RASAL2: variants seen among roughly 807,000 people sequenced by gnomAD.
RASAL2 encodes RAS protein activator like 2, also known as ras GTPase-activating protein nGAP.
A neutral mutation model predicts 128.9 loss-of-function variants in RASAL2; 58 were observed. The observed-to-expected ratio is 0.45, with a 90% CI of 0.36 to 0.56. The LOEUF (loss-of-function observed/expected upper bound fraction) is 0.56. Among genes scored for constraint, RASAL2 ranks in the 20% least tolerant of loss-of-function variants. RASAL2 has a pLI of 0.00. For missense variants in RASAL2, 1,360 were observed against 1,601.6 expected (o/e 0.85, Z 2.57); for synonymous variants, 561 against 580.8 (o/e 0.97, Z 0.49).
chr1:178,176,966 AATTCTATTTCAGGG>A (rs904038004), intron 1 of RASAL2, among the ~76,000 whole-genome samples: 14 of 152,090 alleles, frequency 9.2e-5, no homozygotes, highest in South Asian at 4.1e-4. Context: ...GCAATTTCAA[AATTCTATTTCAGGG>A]ATTCTATTTC....
At chr1:178,220,692 C>T (rs565061079) in intron 1 of RASAL2, among the ~76,000 whole-genome samples, 2 of 152,286 alleles carry the variant, frequency 1.3e-5, no homozygotes, top group East Asian at 3.9e-4. Flanking sequence ...TTCAGATTGG[C>T]TTCTTTAACT....
chr1:178,217,645 A>T (rs1237194169), intron 1 of RASAL2, among the ~76,000 whole-genome samples: 1 of 152,252 alleles, frequency 6.6e-6, no homozygotes, highest in Non-Finnish European at 1.5e-5. Flanking sequence ...CTAAAAAATC[A>T]CATACCTGAA....
At chr1:178,190,235 G>T (rs1662445682) in intron 1 of RASAL2, among the ~76,000 whole-genome samples, 1 of 152,086 alleles carries the variant, frequency 6.6e-6, no homozygotes, top group Non-Finnish European at 1.5e-5. Flanking sequence ...CTTGCTGTTG[G>T]CTGACTACTT....
Position 178,117,407 on chromosome 1 carries a change from A to C in RASAL2, c.202+22713A>C, listed in dbSNP as rs143723572. Reference sequence around the variant, plus strand: ...TCTTTGAAGTAACTAGTAAAGATGCATTTTGAAATAGATTTATTTATGTTT... The same window carrying C: ...TCTTTGAAGTAACTAGTAAAGATGCCTTTTGAAATAGATTTATTTATGTTT... On this transcript the variant is annotated intron_variant, in intron 1 of 17. Coordinates refer to ENST00000367649, the MANE Select transcript of RASAL2 (RefSeq NM_170692.4). Among the ~76,000 whole-genome samples the C allele has an allele frequency of 2.0e-5, 3 of 152,336 alleles. No homozygotes were observed. In the East Asian group the frequency reaches 5.8e-4, roughly 29 times the overall value.
At chr1:178,252,571 A>T (rs1340835588) in intron 1 of RASAL2, among the ~76,000 whole-genome samples, 2 of 152,172 alleles carry the variant, frequency 1.3e-5, no homozygotes. Flanking sequence ...TTTCAGTTGC[A>T]GATCCCTAAA....
intron 3 of RASAL2, among the ~76,000 whole-genome samples, chr1:178,335,017 G>C (rs961066798): frequency 3.9e-5 from 6 of 151,952 alleles, no homozygotes; most frequent in Non-Finnish European, 5.9e-5. Flanking sequence ...AATATAACCA[G>C]TATCATAAAA....
chr1:178,441,605 C>A lies in RASAL2; in HGVS notation c.885C>A (p.Asp295Glu), dbSNP rs755407167. 3.1e-6 allele frequency: 5 copies of A among 1,612,658 alleles called. No individual in the cohort carries two copies. In the Admixed American group the frequency reaches 6.7e-5, roughly 22 times the overall value. Residue 295 changes from aspartate to glutamate, a missense_variant, in exon 7 of 18, where the codon GAC becomes GAA. By Grantham distance (45) the Asp-to-Glu change is conservative (BLOSUM62 2). Transcript: ENST00000367649. ...GCTGTAATTCTGCTTCTGAGAGAGA[C>A]AAGTGGATGGAAAACCTTCGCAGGA... Reference protein sequence around the residue: ...CFSCNSASERDKWMENLRRTV... With the variant: ...CFSCNSASEREKWMENLRRTV...
chr1:178,102,152 T>A (rs1658924220), intron 1 of RASAL2, among the ~76,000 whole-genome samples: 1 of 152,142 alleles, frequency 6.6e-6, no homozygotes, highest in Non-Finnish European at 1.5e-5. Context: ...CCTAATAACT[T>A]TGTACCTTCC....
intron 1 of RASAL2, among the ~76,000 whole-genome samples, chr1:178,163,714 C>T (rs550313208): frequency 4.9e-4 from 75 of 152,106 alleles, no homozygotes; most frequent in Non-Finnish European, 2.6e-4. Flanking sequence ...TGGGAAAATG[C>T]GAGTACTCCA....
chr1:178,201,631 C>T (rs2101967761), intron 1 of RASAL2, among the ~76,000 whole-genome samples: 1 of 152,240 alleles, frequency 6.6e-6, no homozygotes, highest in South Asian at 2.1e-4. Flanking sequence ...TGGTGGCACT[C>T]AACTGTCAAA....
At chr1:178,181,965 T>C (rs548736349) in intron 1 of RASAL2, among the ~76,000 whole-genome samples, 1 of 152,260 alleles carries the variant, frequency 6.6e-6, no homozygotes, top group African/African-American at 2.4e-5. Context: ...AGTTACTTTT[T>C]CCCCCTTATT....
At chr1:178,168,336 T>A (rs1175341421) in intron 1 of RASAL2, among the ~76,000 whole-genome samples, 1 of 151,402 alleles carries the variant, frequency 6.6e-6, no homozygotes, top group African/African-American at 2.4e-5. Flanking sequence ...ATACTACATA[T>A]ATTATATGAA....
intron 1 of RASAL2, among the ~76,000 whole-genome samples, chr1:178,198,722 G>T (rs1030397504): frequency 6.6e-6 from 1 of 152,186 alleles, no homozygotes; most frequent in African/African-American, 2.4e-5. Flanking sequence ...TGTATGAGGT[G>T]TCAGTTGGCC....
intron 1 of RASAL2, among the ~76,000 whole-genome samples, chr1:178,152,597 G>A (rs1282287910): frequency 2.6e-5 from 4 of 151,988 alleles, no homozygotes; most frequent in East Asian, 1.9e-4. Context: ...CCTGGGAGGC[G>A]GAGGTTGCAG....
At chr1:178,373,565 C>G (rs1433212402) in intron 3 of RASAL2, among the ~76,000 whole-genome samples, 2 of 151,924 alleles carry the variant, frequency 1.3e-5, no homozygotes, top group Admixed American at 6.6e-5. Context: ...CACTTAGACT[C>G]TACTACATCA....
chr1:178,273,382 C>A (rs996337632), intron 1 of RASAL2, among the ~76,000 whole-genome samples: 5 of 152,002 alleles, frequency 3.3e-5, no homozygotes, highest in African/African-American at 1.2e-4. Context: ...AATTTTATTG[C>A]CTTATTTGCA....
intron 1 of RASAL2, among the ~76,000 whole-genome samples, chr1:178,123,529 T>C (rs575343160): frequency 1.6e-4 from 25 of 152,308 alleles, no homozygotes; most frequent in Admixed American, 3.9e-4. Context: ...TAAGTAGATA[T>C]AGATAAGCTA....
intron 5 of RASAL2, among the ~76,000 whole-genome samples, chr1:178,425,321 G>A (rs75932992): frequency 0.045 from 6,841 of 152,192 alleles, 520 homozygotes; most frequent in African/African-American, 0.15. Context: ...TAAAATTCCA[G>A]TTTTTAACTT....
chr1:178,164,484 TG>T (rs1661445362), intron 1 of RASAL2, among the ~76,000 whole-genome samples: 1 of 142,436 alleles, frequency 7.0e-6, no homozygotes, highest in Non-Finnish European at 1.5e-5. Context: ...TTAGCATTTG[TG>T]TGTGTGTGTG....
Sources: allele counts gnomAD v4.1 joint callset (sites outside exome capture counted in the v4.1 genomes callset), GRCh38; gene constraint gnomAD v4.1.1; transcripts MANE v1.5; gene names NCBI Gene and HGNC (gene_info 2026-07-23, HGNC 2026-07-21).